CDKAL1: variants seen among roughly 807,000 people sequenced by gnomAD.
CDKAL1 encodes CDKAL1 threonylcarbamoyladenosine tRNA methylthiotransferase, also known as threonylcarbamoyladenosine tRNA methylthiotransferase.
A neutral mutation model predicts 68.2 loss-of-function variants in CDKAL1; 32 were observed. That is an observed-to-expected ratio of 0.47 (90% confidence interval 0.35 to 0.63). The LOEUF (loss-of-function observed/expected upper bound fraction) is 0.63, where lower values mean the gene tolerates loss of function less well. Among genes scored for constraint, CDKAL1 ranks in the 30% least tolerant of loss-of-function variants. The pLI is 0.00. For missense variants in CDKAL1, 606 were observed against 696.7 expected (o/e 0.87, Z 1.47); for synonymous variants, 234 against 244.3 (o/e 0.96, Z 0.39).
intron 2 of CDKAL1, among the ~76,000 whole-genome samples, chr6:20,536,670 T>C (rs1763185797): frequency 6.6e-6 from 1 of 152,174 alleles, no homozygotes; most frequent in Admixed American, 6.5e-5. Flanking sequence ...AATATCTGAT[T>C]TAGTATGTCT....
chr6:20,696,172 A>G (rs543005183), intron 5 of CDKAL1, among the ~76,000 whole-genome samples: 1 of 152,384 alleles, frequency 6.6e-6, no homozygotes, highest in Non-Finnish European at 1.5e-5. Context: ...TAGGCATAGG[A>G]GAGCAAAGCA....
At chr6:21,179,475 C>A (rs1235454019) in intron 13 of CDKAL1, among the ~76,000 whole-genome samples, 2 of 152,068 alleles carry the variant, frequency 1.3e-5, no homozygotes, top group Non-Finnish European at 2.9e-5. Flanking sequence ...CTAGGAAATG[C>A]TATTGGGAGG....
chr6:20,723,959 G>A (rs778457537), intron 5 of CDKAL1, among the ~76,000 whole-genome samples: 1 of 152,234 alleles, frequency 6.6e-6, no homozygotes, highest in African/African-American at 2.4e-5. Context: ...TTGAGACAGG[G>A]TCTTACTCTG....
chr6:20,797,825 T>C (rs957170268), intron 8 of CDKAL1, among the ~76,000 whole-genome samples: 15 of 145,586 alleles, frequency 1.0e-4, no homozygotes, highest in South Asian at 2.1e-4. Flanking sequence ...TTTTATTTTA[T>C]TTTTTCTTGG....
intron 11 of CDKAL1, among the ~76,000 whole-genome samples, chr6:21,020,135 A>G (rs953971762): frequency 4.6e-5 from 7 of 152,186 alleles, no homozygotes; most frequent in African/African-American, 1.7e-4. Context: ...AGTTTTTGCC[A>G]ATTTAATTAA....
intron 13 of CDKAL1, among the ~76,000 whole-genome samples, chr6:21,154,352 C>T (rs1240953145): frequency 2.0e-5 from 3 of 152,180 alleles, no homozygotes; most frequent in African/African-American, 7.2e-5. Context: ...TTTCTAGCAA[C>T]TTCATCTCTC....
At chr6:20,734,382 A>C (rs13213979) in intron 5 of CDKAL1, among the ~76,000 whole-genome samples, 40,172 of 151,930 alleles carry the variant, frequency 0.26, 5,414 homozygotes, top group South Asian at 0.39. Flanking sequence ...GAAGTGAAGA[A>C]ATGGAAATTA....
At position 20,846,031 on chromosome 6, in the gene CDKAL1, A is replaced by T. The variant is rs371074967; in HGVS notation, c.639-44A>T. On this transcript the variant is annotated intron_variant, in intron 8 of 15. Coordinates refer to ENST00000274695, the MANE Select transcript of CDKAL1 (RefSeq NM_017774.3). ...GGTATCCCCATGTTAAGTATATGCT[A>T]TCTTTAGAAATTTGAGTCTTATTTA... The T allele has an allele frequency of 4.8e-6, 6 of 1,237,390 alleles. No homozygotes were observed. In the African/African-American group the frequency reaches 9.0e-5, roughly 19 times the overall value. 76.7% of individuals were successfully genotyped at this position (1,237,390 alleles called of 1,614,324 possible).
At chr6:20,777,204 T>C (rs1775208276) in intron 7 of CDKAL1, among the ~76,000 whole-genome samples, 1 of 152,118 alleles carries the variant, frequency 6.6e-6, no homozygotes, top group African/African-American at 2.4e-5. Context: ...ATACTGAAAG[T>C]TTGTCAGGCA....
At chr6:20,718,846 A>G (rs1048072759) in intron 5 of CDKAL1, among the ~76,000 whole-genome samples, 1 of 152,160 alleles carries the variant, frequency 6.6e-6, no homozygotes, top group African/African-American at 2.4e-5. Context: ...ACTTCTTACT[A>G]TTTGGAAAAG....
chr6:20,882,353 T>C (rs570979528), intron 9 of CDKAL1, among the ~76,000 whole-genome samples: 37 of 152,318 alleles, frequency 2.4e-4, no homozygotes, highest in Middle Eastern at 3.4e-3. Context: ...TCCCACTCTT[T>C]ATCAAACCTA....
intron 13 of CDKAL1, among the ~76,000 whole-genome samples, chr6:21,140,837 T>A (rs975326897): frequency 6.6e-6 from 1 of 151,510 alleles, no homozygotes; most frequent in South Asian, 2.1e-4. Context: ...GAAAAAGAGG[T>A]TTAATTGGAC....
intron 4 of CDKAL1, among the ~76,000 whole-genome samples, chr6:20,625,497 C>G (rs574843544): frequency 6.6e-6 from 1 of 152,086 alleles, no homozygotes; most frequent in African/African-American, 2.4e-5. Flanking sequence ...TTCTGAATAT[C>G]TCTTTAACTT....
intron 12 of CDKAL1, among the ~76,000 whole-genome samples, chr6:21,069,804 T>TTTTTTTTTTAAAA (rs60342057): frequency 5.8e-5 from 5 of 85,516 alleles, no homozygotes; most frequent in Non-Finnish European, 1.1e-4. Context: ...TTTTTTTTTT[T>TTTTTTTTTTAAAA]AAAACAGAGC....
chr6:21,093,704 T>TG (rs1773167414), intron 12 of CDKAL1, among the ~76,000 whole-genome samples: 1 of 7,336 alleles, frequency 1.4e-4, no homozygotes, highest in Non-Finnish European at 2.3e-4. Flanking sequence ...CTTTTTTTTT[T>TG]TTTTTTTTTT....
intron 13 of CDKAL1, among the ~76,000 whole-genome samples, chr6:21,159,784 C>T (rs147257058): frequency 4.6e-5 from 7 of 151,028 alleles, no homozygotes; most frequent in Non-Finnish European, 8.8e-5. Context: ...TCTGAGTCCG[C>T]ACCATAGGCT....
chr6:20,636,809 G>T (rs2127746942), intron 4 of CDKAL1, among the ~76,000 whole-genome samples: 2 of 152,302 alleles, frequency 1.3e-5, no homozygotes, highest in South Asian at 2.1e-4. Context: ...GGCCGAGGCG[G>T]GTGGATCATC....
chr6:20,724,942 T>C (rs566409169), intron 5 of CDKAL1, among the ~76,000 whole-genome samples: 2 of 152,260 alleles, frequency 1.3e-5, no homozygotes, highest in East Asian at 3.9e-4. Context: ...TACCCCAGAA[T>C]GTAGATGCAT....
intron 4 of CDKAL1, among the ~76,000 whole-genome samples, chr6:20,631,842 C>A (rs180670745): frequency 3.1e-4 from 47 of 152,250 alleles, no homozygotes; most frequent in African/African-American, 1.1e-3. Context: ...ATGTTAGGCC[C>A]AAACTCGTGC....
Sources: allele counts gnomAD v4.1 joint callset (sites outside exome capture counted in the v4.1 genomes callset), GRCh38; gene constraint gnomAD v4.1.1; transcripts MANE v1.5; gene names NCBI Gene and HGNC (gene_info 2026-07-23, HGNC 2026-07-21).